ACAT1: variants seen among roughly 807,000 people sequenced by gnomAD.
The protein encoded by ACAT1 is acetyl-CoA acetyltransferase, mitochondrial.
ACAT1 carries 28 observed loss-of-function variants against 47.3 expected under a neutral mutation model. The ratio of observed to expected loss-of-function variants is 0.59; its 90% CI spans 0.44 to 0.81. The LOEUF (loss-of-function observed/expected upper bound fraction) is 0.81. Among genes scored for constraint, ACAT1 ranks in the 30% least tolerant of loss-of-function variants. The pLI, the probability that ACAT1 is intolerant of heterozygous loss-of-function variation, is 0.00. For missense variants in ACAT1, 469 were observed against 524.3 expected (o/e 0.89, Z 1.03); for synonymous variants, 181 against 173.6 (o/e 1.04, Z -0.34).
chr11:108,137,773 C>G (rs988928402), intron 5 of ACAT1, among the ~76,000 whole-genome samples: 2 of 151,902 alleles, frequency 1.3e-5, no homozygotes, highest in African/African-American at 4.8e-5. Context: ...GAAACCCCAT[C>G]TCTACTAAAA....
chr11:108,131,354 A>ATTTTTTTTTTT lies in ACAT1; in HGVS notation c.73-545_73-535dup, dbSNP rs397951009. 5.8e-3 allele frequency among the ~76,000 whole-genome samples: 365 copies of ATTTTTTTTTTT among 62,634 alleles called. 62 individuals carry two copies. The highest frequency in any genetic ancestry group is 0.013 in the South Asian group (14 of 1,062). The allele number at this position is 62,634 out of a possible 152,430, so 41.1% of individuals were successfully genotyped here. On this transcript the variant is annotated intron_variant, in intron 1 of 11. Transcript: ENST00000265838. ...AAGCTATATTTAAGAAAGACTTGGA[A>ATTTTTTTTTTT]TTTTTTTTTTTTTTTTTTAGACAGT...
Position 108,139,023 on chromosome 11 carries a change from C to G in ACAT1, c.561C>G (p.Val187=), listed in dbSNP as rs1180538684. The G allele has an allele frequency of 1.9e-6, 3 of 1,613,948 alleles. No homozygotes were observed. Among genetic ancestry groups the G allele is most frequent in the African/African-American group, 1.3e-5 (1 of 74,888 alleles). ...TTGTAAAAGACGGGCTAACTGATGT[C>G]TACAATAAAATTCATATGGTAAATG... ...DLIVKDGLTD[V]YNKIHMGSCA... is the part of the protein sequence containing the mutation. Residue 187 remains valine, a synonymous_variant, in exon 6 of 12, where the codon GTC becomes GTG. Coordinates refer to ENST00000265838, the MANE Select transcript of ACAT1 (RefSeq NM_000019.4).
rs1467705425 is a variant in ACAT1, at chr11:108,140,180, GAA to G, written c.697_698del (p.Asn233Ter). 1 of 1,614,118 alleles carries G rather than the reference GAA, an allele frequency of 6.2e-7. No individual in the cohort carries two copies. ...GCAGCATGGGAAGCTGGGAAATTTG[GAA>G]ATGAAGTTATTCCTGTCACAGTTAC... On this transcript the variant is annotated frameshift_variant, in exon 7 of 12. Transcript: ENST00000265838. LOFTEE classifies it high-confidence loss of function.
At chr11:108,120,897 A>ATG (rs2077137016), upstream of ACAT1, among the ~76,000 whole-genome samples, 1 of 150,964 alleles carries the variant, frequency 6.6e-6, no homozygotes, top group East Asian at 2.0e-4. Context: ...AGTCTCTACA[A>ATG]AAAAAAAAAA....
chr11:108,130,363 C>CTT (rs143525246), intron 1 of ACAT1, among the ~76,000 whole-genome samples: 2 of 148,896 alleles, frequency 1.3e-5, no homozygotes, highest in African/African-American at 4.9e-5. Flanking sequence ...CAAGTAGGAA[C>CTT]TTTTTTTTTT....
chr11:108,134,000 T>C (rs2077412692), intron 3 of ACAT1, 63 bp downstream of exon 3: 2 of 1,459,200 alleles, frequency 1.4e-6, no homozygotes, highest in Non-Finnish European at 1.9e-6. Context: ...AAGATATTTA[T>C]TTTGCATTAA....
intron 1 of ACAT1, 53 bp downstream of exon 1, chr11:108,121,731 G>C (rs897888638): frequency 5.2e-6 from 8 of 1,529,614 alleles, no homozygotes; most frequent in African/African-American, 1.4e-5. Context: ...AGGAGTCCCC[G>C]CCTCGGAAGC....
At chr11:108,127,094 G>A (rs1403946028) in intron 1 of ACAT1, among the ~76,000 whole-genome samples, 1 of 151,858 alleles carries the variant, frequency 6.6e-6, no homozygotes, top group Admixed American at 6.6e-5. Flanking sequence ...GGGATTACAG[G>A]GGTGAGCCAC....
rs2077442815 is a variant in ACAT1, at chr11:108,135,051, G to A, written c.335-91G>A. On this transcript the variant is annotated intron_variant, in intron 4 of 11. Coordinates refer to ENST00000265838, the MANE Select transcript of ACAT1 (RefSeq NM_000019.4). ...ATAATTTGTAGTTATATTGGCAGAA[G>A]AAATGTTGTAGTTTATAGTAACATG... The A allele has an allele frequency of 1.2e-5, 10 of 823,998 alleles. No homozygotes were observed. The Admixed American group carries it at 2.0e-4, about 16-fold the overall frequency. The allele number at this position is 823,998 out of a possible 1,614,324, so 51.0% of individuals were successfully genotyped here.
At chr11:108,119,955 C>T (rs987684686), upstream of ACAT1, among the ~76,000 whole-genome samples, 28 of 152,168 alleles carry the variant, frequency 1.8e-4, no homozygotes, top group Admixed American at 3.3e-4. Context: ...GTGGCTCACG[C>T]CTGTAATCCC....
At chr11:108,121,989 C>T in intron 1 of ACAT1, 1 of 491,286 alleles carries the variant, frequency 2.0e-6, no homozygotes, top group South Asian at 2.2e-5. Context: ...CTGGCCCGGC[C>T]TGAGCGGTGG....
chr11:108,134,770 C>G (rs1198211857), intron 4 of ACAT1, among the ~76,000 whole-genome samples: 8 of 150,698 alleles, frequency 5.3e-5, no homozygotes, highest in Non-Finnish European at 8.9e-5. Context: ...ACAGCGAAAC[C>G]CTGTCTCTAC....
intron 5 of ACAT1, chr11:108,136,744 A>C (rs2077476416): frequency 6.6e-6 from 1 of 152,158 alleles, no homozygotes; most frequent in Non-Finnish European, 1.5e-5. Context: ...TATTGCCATC[A>C]CCCCCAGTAA....
At chr11:108,132,636 C>T (rs887908443) in intron 2 of ACAT1, among the ~76,000 whole-genome samples, 9 of 151,674 alleles carry the variant, frequency 5.9e-5, no homozygotes, top group Admixed American at 4.6e-4. Flanking sequence ...AGGTGGATCA[C>T]GAGGTCAGGA....
intron 1 of ACAT1, among the ~76,000 whole-genome samples, chr11:108,122,638 A>G (rs1475246015): frequency 6.6e-6 from 1 of 152,278 alleles, no homozygotes; most frequent in Middle Eastern, 3.2e-3. Flanking sequence ...TAAAAGAACC[A>G]GTCTAGGACT....
At position 108,138,933 on chromosome 11, in the gene ACAT1, C is replaced by A. The variant is rs35188041; in HGVS notation, c.471C>A (p.Ser157=). 274,746 of 1,613,768 alleles carry A rather than the reference C, an allele frequency of 0.17. 24,260 individuals are homozygous for A. The highest frequency in any genetic ancestry group is 0.2 in the African/African-American group (14,735 of 74,924). The change falls in exon 6 of 12, where the codon TCC becomes TCA. Residue 157 remains serine, a synonymous_variant. Transcript: ENST00000265838. The part of the protein sequence containing the change: ...VMVAGGMESM[S]NVPYVMNRGS... ...TGGCAGGTGGGATGGAGAGCATGTC[C>A]AATGTTCCATATGTAATGAACAGAG...
intron 1 of ACAT1, among the ~76,000 whole-genome samples, chr11:108,129,438 G>A (rs1016990686): frequency 4.0e-5 from 6 of 151,862 alleles, no homozygotes; most frequent in African/African-American, 1.5e-4. Flanking sequence ...GCGTGATCTC[G>A]GCTCACTGCA....
intron 1 of ACAT1, among the ~76,000 whole-genome samples, chr11:108,130,149 G>C (rs2077330005): frequency 6.6e-6 from 1 of 151,992 alleles, no homozygotes; most frequent in African/African-American, 2.4e-5. Context: ...TGGCTGGTCA[G>C]CTCCAGCCCC....
At position 108,142,561 on chromosome 11, in the gene ACAT1, G is replaced by A; in HGVS notation, c.940+11G>A. On this transcript the variant is annotated intron_variant, in intron 9 of 11. Coordinates refer to ENST00000265838, the MANE Select transcript of ACAT1 (RefSeq NM_000019.4). ...TGGCAAGAATAGTAGGTAAGGCCAGGCGAGGTGGCTCACACCTGTAATCCC... is the reference window on the plus strand; with the variant it reads ...TGGCAAGAATAGTAGGTAAGGCCAGACGAGGTGGCTCACACCTGTAATCCC... 6.2e-7 allele frequency: 1 copy of A among 1,605,898 alleles called. No homozygotes were observed. The highest frequency in any genetic ancestry group is 8.5e-7 in the Non-Finnish European group (1 of 1,172,558).
Sources: allele counts gnomAD v4.1 joint callset (sites outside exome capture counted in the v4.1 genomes callset), GRCh38; gene constraint gnomAD v4.1.1; transcripts MANE v1.5; gene names NCBI Gene and HGNC (gene_info 2026-07-23, HGNC 2026-07-21).